Variants in LDLRAD4 observed in about 807,000 individuals in gnomAD.
LDLRAD4 encodes the protein low density lipoprotein receptor class A domain containing 4, also known as low-density lipoprotein receptor class A domain-containing protein 4.
A neutral mutation model predicts 17.0 loss-of-function variants in LDLRAD4; 5 were observed. The ratio of observed to expected loss-of-function variants is 0.29; its 90% confidence interval spans 0.15 to 0.62. The LOEUF is 0.62. Ranked by LOEUF, LDLRAD4 falls within the 20% of genes least tolerant of loss-of-function variation. The probability of loss-of-function intolerance (pLI) is 0.84; values close to 1 mark genes in which losing one functional copy is unlikely to be tolerated. For synonymous variants in LDLRAD4, 168 were observed against 171.8 expected (o/e 0.98, Z 0.17); for missense variants, 340 against 424.7 (o/e 0.80, Z 1.75).
chr18:13,492,506 A>T (rs1057285989), intron 3 of LDLRAD4, among the ~76,000 whole-genome samples: 3 of 152,126 alleles, frequency 2.0e-5, no homozygotes, highest in African/African-American at 7.2e-5. Flanking sequence ...GGGGAGTAGC[A>T]GCTCCTTGGC....
At position 13,399,216 on chromosome 18, in the gene LDLRAD4, G is replaced by GA. The variant is rs202107055; in HGVS notation, c.40+11463dup. Among the ~76,000 whole-genome samples the GA allele has an allele frequency of 3.4e-3, 517 of 150,930 alleles. 3 individuals are homozygous for GA. Among genetic ancestry groups the GA allele is most frequent in the African/African-American group, 0.011 (450 of 41,192 alleles). On this transcript the variant is annotated intron_variant, in intron 2 of 5. Transcript: ENST00000359446. Reference sequence around the variant, plus strand: ...TGTCTCAAAAAAAAGAGAAAAAAAAGAAAAAAAAAGACGCTGTATGTATTT... The same window carrying GA: ...TGTCTCAAAAAAAAGAGAAAAAAAAGAAAAAAAAAAGACGCTGTATGTATTT...
intron 1 of LDLRAD4, chr18:13,382,754 C>A (rs552421027): frequency 6.6e-6 from 1 of 152,174 alleles, no homozygotes; most frequent in Admixed American, 6.5e-5. Flanking sequence ...TGTATTCCCC[C>A]CTCTCCTTCT....
intron 2 of LDLRAD4, among the ~76,000 whole-genome samples, chr18:13,408,999 G>C (rs984311046): frequency 3.9e-5 from 6 of 152,124 alleles, no homozygotes; most frequent in Non-Finnish European, 8.8e-5. Context: ...ACAGGGTGAA[G>C]GTCTCTAAGA....
intron 1 of LDLRAD4, among the ~76,000 whole-genome samples, chr18:13,376,115 G>T (rs1451951475): frequency 6.6e-6 from 1 of 152,146 alleles, no homozygotes; most frequent in East Asian, 1.9e-4. Context: ...CGAGGTTGCT[G>T]TCTGTTGCGG....
intron 3 of LDLRAD4, among the ~76,000 whole-genome samples, chr18:13,517,832 G>A (rs188181969): frequency 1.5e-4 from 23 of 152,154 alleles, no homozygotes; most frequent in South Asian, 6.2e-4. Context: ...TCTGCCTCCC[G>A]GGCTCATGCC....
intron 1 of LDLRAD4, among the ~76,000 whole-genome samples, chr18:13,343,873 A>C (rs769760645): frequency 6.6e-6 from 1 of 152,212 alleles, no homozygotes; most frequent in Non-Finnish European, 1.5e-5. Flanking sequence ...GGCTGCATAA[A>C]TGTCTTCTTT....
intron 2 of LDLRAD4, among the ~76,000 whole-genome samples, chr18:13,422,192 A>C (rs1437845910): frequency 1.3e-5 from 2 of 152,222 alleles, no homozygotes; most frequent in East Asian, 3.9e-4. Flanking sequence ...TGGAGCAAGA[A>C]GCTCAGTGCA....
At chr18:13,522,239 CCTTGCT>C (rs1292886720) in intron 3 of LDLRAD4, 1 of 152,076 alleles carries the variant, frequency 6.6e-6, no homozygotes. Flanking sequence ...TAGCCTGTAG[CCTTGCT>C]GTTTTCTAGA....
intron 2 of LDLRAD4, among the ~76,000 whole-genome samples, chr18:13,393,410 TAGAG>T (rs2086421401): frequency 1.3e-5 from 2 of 152,186 alleles, no homozygotes; most frequent in East Asian, 1.9e-4. Flanking sequence ...GAAGGCATTT[TAGAG>T]AGAACAGCAG....
intron 1 of LDLRAD4, among the ~76,000 whole-genome samples, chr18:13,353,575 T>G (rs1401912265): frequency 6.6e-6 from 1 of 152,216 alleles, no homozygotes; most frequent in Non-Finnish European, 1.5e-5. Flanking sequence ...CTTGTGCCTT[T>G]TCCTAGCCTG....
chr18:13,536,271 A>G (rs1432249092), intron 3 of LDLRAD4, among the ~76,000 whole-genome samples: 1 of 152,208 alleles, frequency 6.6e-6, no homozygotes, highest in Non-Finnish European at 1.5e-5. Context: ...CAATTCATTA[A>G]CATGGTATAT....
intron 3 of LDLRAD4, chr18:13,459,846 T>C (rs1463102811): frequency 6.5e-6 from 1 of 153,898 alleles, no homozygotes; most frequent in African/African-American, 2.4e-5. Context: ...AAGGAGCACG[T>C]GCAGGATATT....
intron 3 of LDLRAD4, among the ~76,000 whole-genome samples, chr18:13,572,004 G>A (rs1404217708): frequency 2.0e-5 from 3 of 152,186 alleles, no homozygotes; most frequent in African/African-American, 7.2e-5. Flanking sequence ...CTTTGGACCA[G>A]CCAGCATTTT....
In LDLRAD4 at chr18:13,355,423, C is replaced by T. The variant is rs374788351; in HGVS notation, c.-382-31918C>T. Among the ~76,000 whole-genome samples, 4 of 152,268 alleles carry T rather than the reference C, an allele frequency of 2.6e-5. No individual in the cohort carries two copies. In the South Asian group the frequency reaches 8.3e-4, roughly 32 times the overall value. ...CCTTCTAAGGAGTTTCTATCATAAG[C>T]CAGTGGTAGAATTTGTCATATGAGG... On this transcript the variant is annotated intron_variant, in intron 1 of 5. Transcript: ENST00000359446.
intron 1 of LDLRAD4, among the ~76,000 whole-genome samples, chr18:13,244,476 A>T (rs913955056): frequency 6.6e-6 from 1 of 152,164 alleles, no homozygotes; most frequent in Non-Finnish European, 1.5e-5. Context: ...TATTAAAGTT[A>T]ATTGCCAAAC....
At chr18:13,626,595 A>T (rs2041189777) in intron 4 of LDLRAD4, among the ~76,000 whole-genome samples, 1 of 152,262 alleles carries the variant, frequency 6.6e-6, no homozygotes, top group South Asian at 2.1e-4. Flanking sequence ...CAGCAATTTC[A>T]ATTTAAAAAA....
intron 3 of LDLRAD4, among the ~76,000 whole-genome samples, chr18:13,525,283 T>C (rs2094012612): frequency 6.6e-6 from 1 of 152,156 alleles, no homozygotes; most frequent in Non-Finnish European, 1.5e-5. Context: ...CCTTAAGCTC[T>C]CTGTTTTTCT....
intron 3 of LDLRAD4, among the ~76,000 whole-genome samples, chr18:13,528,764 C>T (rs796722276): frequency 3.9e-5 from 6 of 152,218 alleles, no homozygotes; most frequent in African/African-American, 1.2e-4. Context: ...CAGTAACACC[C>T]GTGGTTCCCA....
At chr18:13,450,168 C>T (rs57437941) in intron 3 of LDLRAD4, among the ~76,000 whole-genome samples, 22,618 of 152,200 alleles carry the variant, frequency 0.15, 2,197 homozygotes, top group African/African-American at 0.27. Context: ...CCTGCCCTTC[C>T]AGGCCTACCC....
Sources: gnomAD v4.1 joint callset for allele counts (sites outside exome capture counted in the v4.1 genomes callset) on GRCh38, gnomAD v4.1.1 for gene constraint, MANE v1.5 for transcripts, NCBI Gene and HGNC (gene_info 2026-07-23, HGNC 2026-07-21) for gene names.